PGR: variants seen among roughly 807,000 people sequenced by gnomAD.
PGR encodes the protein nuclear receptor subfamily 3 group C member 3.
Under a neutral mutation model 76.1 loss-of-function variants are expected in PGR, and 25 were observed. The observed-to-expected ratio is 0.33, with a 90% CI of 0.24 to 0.46. The LOEUF is 0.46. PGR is among the 20% of genes least tolerant of loss of function. The pLI, the probability that PGR is intolerant of heterozygous loss-of-function variation, is 1.00. For missense variants in PGR, 1,172 were observed against 1,225.3 expected, an observed-to-expected ratio of 0.96 and a Z score of 0.65; for synonymous variants, 579 against 535.0, an observed-to-expected ratio of 1.08 and a Z score of -1.14.
intron 2 of PGR, among the ~76,000 whole-genome samples, chr11:101,124,044 T>C (rs1277535293): frequency 6.6e-6 from 1 of 152,226 alleles, no homozygotes; most frequent in Non-Finnish European, 1.5e-5. Flanking sequence ...AAAGTGTATC[T>C]TTGGCATAAA....
At position 101,128,948 on chromosome 11, in the gene PGR, G is replaced by A. The variant is rs1441940647; in HGVS notation, c.123C>T (p.Thr41=). The A allele has an allele frequency of 6.8e-6, 11 of 1,610,084 alleles. 1 individual carries two copies. The highest frequency in any genetic ancestry group is 6.6e-5 in the South Asian group (6 of 90,878). Residue 41 remains threonine (T), a synonymous_variant, in exon 1 of 8, where the codon ACC becomes ACT. Transcript: ENST00000325455. ...PAAGPFPGSQ[T]SDTLPEVSAI... ...CCGAAACTTCAGGCAAGGTGTCCGA[G>A]GTCTGGCTCCCCGGGAACGGACCTG...
At chr11:101,122,140 G>A (rs1288144280) in intron 2 of PGR, among the ~76,000 whole-genome samples, 3 of 123,680 alleles carry the variant, frequency 2.4e-5, no homozygotes, top group Non-Finnish European at 4.9e-5. Flanking sequence ...GGGCAACAGC[G>A]AGACTCCGTC....
intron 2 of PGR, among the ~76,000 whole-genome samples, chr11:101,122,879 A>G (rs555172668): frequency 6.6e-6 from 1 of 152,262 alleles, no homozygotes; most frequent in East Asian, 1.9e-4. Context: ...TGAAGTTAAT[A>G]TGATCCATCC....
chr11:101,045,441 C>T (rs1339078756), intron 6 of PGR, among the ~76,000 whole-genome samples: 2 of 152,004 alleles, frequency 1.3e-5, no homozygotes, highest in East Asian at 1.9e-4. Flanking sequence ...TAGGTAATGT[C>T]TCACCCCCCT....
Position 101,127,976 on chromosome 11 carries a change from G to T in PGR, c.1095C>A (p.Pro365=). 6.2e-7 allele frequency: 1 copy of T among 1,612,018 alleles called. No homozygotes were observed. The change falls in exon 1 of 8, where the codon CCC becomes CCA. Residue 365 remains proline (P), a synonymous_variant. Coordinates refer to ENST00000325455, the MANE Select transcript of PGR (RefSeq NM_000926.4). ...VGDFPDCAYP[P]DAEPKDDAYP... Reference sequence around the variant, plus strand: ...ACGCGTCGTCCTTGGGCTCGGCGTCGGGCGGGTACGCGCAGTCGGGGAAGT... The same window carrying T: ...ACGCGTCGTCCTTGGGCTCGGCGTCTGGCGGGTACGCGCAGTCGGGGAAGT...
intron 2 of PGR, among the ~76,000 whole-genome samples, chr11:101,098,834 A>G (rs1251985040): frequency 6.6e-6 from 1 of 152,242 alleles, no homozygotes; most frequent in Non-Finnish European, 1.5e-5. Context: ...CAATGAAAAC[A>G]GGGCTAGAAA....
At position 101,120,626 on chromosome 11, in the gene PGR, T is replaced by C. The variant is rs936209763; in HGVS notation, c.1789+5381A>G. ...AAATAACATGATGCATAAATTATGA[T>C]ATATAATACCATTTATATATTAACA... On this transcript the variant is annotated intron_variant, in intron 2 of 7. Transcript: ENST00000325455. Among the ~76,000 whole-genome samples, 39 of 152,312 alleles carry C rather than the reference T, an allele frequency of 2.6e-4. 1 individual carries two copies. The highest frequency in any genetic ancestry group is 2.6e-3 in the Admixed American group (39 of 15,284).
At chr11:101,126,773 T>C (rs1383043716) in intron 1 of PGR, among the ~76,000 whole-genome samples, 1 of 152,164 alleles carries the variant, frequency 6.6e-6, no homozygotes, top group Non-Finnish European at 1.5e-5. Context: ...ATAAAAAAAA[T>C]TGTAGTGAAT....
At chr11:101,105,527 T>C (rs11224592) in intron 2 of PGR, among the ~76,000 whole-genome samples, 47,545 of 149,006 alleles carry the variant, frequency 0.32, 7,865 homozygotes, top group African/African-American at 0.37. Context: ...AATGAAGTTT[T>C]AGGGACCTTT....
At chr11:101,039,326 G>A (rs1162850982) in intron 7 of PGR, 55 bp from the exon 8 acceptor site, 2 of 1,312,686 alleles carry the variant, frequency 1.5e-6, no homozygotes, top group African/African-American at 1.5e-5. Context: ...AAATTCATAT[G>A]CTATTCAAAC....
In PGR at chr11:101,072,961, G is replaced by A. The variant is rs141000722; in HGVS notation, c.1907-10209C>T. On this transcript the variant is annotated intron_variant, in intron 3 of 7. Transcript: ENST00000325455. ...TATCCAGGACTTGAACTCAGGCTCT[G>A]GACCAAGTGGACCTAAGAGACATCT... is the stretch of plus-strand genomic sequence containing the variant. 6.7e-3 allele frequency among the ~76,000 whole-genome samples: 1,016 copies of A among 152,204 alleles called. 14 individuals are homozygous for A. Among genetic ancestry groups the A allele is most frequent in the African/African-American group, 0.023 (953 of 41,522 alleles).
intron 4 of PGR, 76 bp from the exon 5 acceptor site, chr11:101,051,644 A>G (rs1255306845): frequency 1.8e-6 from 2 of 1,091,392 alleles, no homozygotes; most frequent in African/African-American, 1.5e-5. Context: ...ATACATATAA[A>G]TCTGAAAATA....
At chr11:101,074,888 G>A (rs186458783) in intron 3 of PGR, among the ~76,000 whole-genome samples, 1 of 152,214 alleles carries the variant, frequency 6.6e-6, no homozygotes, top group East Asian at 1.9e-4. Context: ...CATGAAAATG[G>A]CCATACTGAC....
rs1388068636 is a variant in PGR, at chr11:101,037,082, G to T, written c.*2034C>A. The T allele has an allele frequency of 5.2e-6, 1 of 192,736 alleles. No individual in the cohort carries two copies. The highest frequency in any genetic ancestry group is 1.1e-5 in the Non-Finnish European group (1 of 92,226). 11.9% of individuals were successfully genotyped at this position (192,736 alleles called of 1,614,324 possible). A position where few individuals can be genotyped will look rare whatever the true frequency, so the allele number is the denominator to read the frequency against. ...CCTGTAACTATTATATTTGGGAGAT[G>T]TTAAAAATACTTTTTTCTTGGGATG... On this transcript the variant is annotated 3_prime_UTR_variant, in exon 8 of 8. Transcript: ENST00000325455.
In PGR at chr11:101,035,121, T is replaced by C. The variant is rs1196451871; in HGVS notation, c.*3995A>G. On this transcript the variant is annotated 3_prime_UTR_variant, in exon 8 of 8. Transcript: ENST00000325455. The stretch of plus-strand genomic sequence containing the variant: ...ACATCCAATGGCTATTGAACAGGCA[T>C]ACTTTGGGAAAAACAAACTTATGCC... The C allele has an allele frequency of 9.5e-6, 2 of 209,748 alleles. No individual in the cohort carries two copies. Among genetic ancestry groups the C allele is most frequent in the Admixed American group, 1.2e-4 (2 of 16,968 alleles). 13.0% of individuals were successfully genotyped at this position (209,748 alleles called of 1,614,324 possible).
chr11:101,128,533 C>T lies in PGR; in HGVS notation c.538G>A (p.Ala180Thr), dbSNP rs751301557. ...CKVGDSSGTA[A>T]AHKVLPRGLS... is the part of the protein sequence containing the mutation. ...CCCCGGGGCAGCACTTTATGGGCAG[C>T]TGCCGTCCCGGAGCTGTCTCCAACC... The change falls in exon 1 of 8, where the codon GCT becomes ACT. Residue 180 changes from alanine to threonine, a missense_variant. This residue lies in a region of PGR where 893 missense variants were observed against 785.9 expected (regional missense o/e 1.14). Transcript: ENST00000325455. 6.2e-7 allele frequency: 1 copy of T among 1,600,234 alleles called. No homozygotes were observed. Among genetic ancestry groups the T allele is most frequent in the Non-Finnish European group, 8.5e-7 (1 of 1,176,812 alleles).
Position 101,084,845 on chromosome 11 carries a change from C to T in PGR, c.1906+6915G>A, listed in dbSNP as rs1366442568. 2.6e-5 allele frequency among the ~76,000 whole-genome samples: 4 copies of T among 152,062 alleles called. No individual in the cohort carries two copies. The East Asian group carries it at 7.7e-4, about 29-fold the overall frequency. ...GTTGCTATTCTTAGATTAGATAAAA[C>T]AGACTTTAACAACAGTAAAAAAGGA... On this transcript the variant is annotated intron_variant, in intron 3 of 7. Coordinates refer to ENST00000325455, the MANE Select transcript of PGR (RefSeq NM_000926.4).
In PGR at chr11:101,075,581, G is replaced by T. The variant is rs186088364; in HGVS notation, c.1907-12829C>A. Among the ~76,000 whole-genome samples, 54 of 139,786 alleles carry T rather than the reference G, an allele frequency of 3.9e-4. No individual in the cohort carries two copies. In the East Asian group the frequency reaches 9.3e-3, roughly 24 times the overall value. 91.7% of individuals were successfully genotyped at this position (139,786 alleles called of 152,430 possible). ...TCTGCAATTTATCCATCTAACAAAG[G>T]ACTACTATCAAGAAGCTACAAAGAA... On this transcript the variant is annotated intron_variant, in intron 3 of 7. Transcript: ENST00000325455.
chr11:101,107,865 T>TAAAAAAAAAAAAAAAAAAAA (rs56355097), intron 2 of PGR, among the ~76,000 whole-genome samples: 127 of 119,160 alleles, frequency 1.1e-3, no homozygotes, highest in Middle Eastern at 4.5e-3. Flanking sequence ...ACTGGCTTTG[T>TAAAAAAAAAAAAAAAAAAAA]AAAAAAAAAA....
Sources: allele counts gnomAD v4.1 joint callset (sites outside exome capture counted in the v4.1 genomes callset), GRCh38; gene constraint gnomAD v4.1.1; regional missense constraint gnomAD v4.1.1; transcripts MANE v1.5; gene names NCBI Gene and HGNC (gene_info 2026-07-23, HGNC 2026-07-21).